PMS1: variants seen among roughly 807,000 people sequenced by gnomAD.
The protein encoded by PMS1 is PMS1 homolog 1, mismatch repair system component.
Under a neutral mutation model 93.1 loss-of-function variants are expected in PMS1, and 79 were observed. The ratio of observed to expected loss-of-function variants is 0.85; its 90% CI spans 0.71 to 1.02. The LOEUF is 1.02. Ranked by LOEUF, PMS1 falls within the 50% of genes least tolerant of loss-of-function variation. PMS1 has a pLI of 0.00. For synonymous variants in PMS1, 335 were observed against 363.4 expected, an observed-to-expected ratio of 0.92 and a Z score of 0.89; for missense variants, 1,064 against 1,085.3, an observed-to-expected ratio of 0.98 and a Z score of 0.28.
rs781053212 is a variant in PMS1 at position 189,791,915 on chromosome 2, G to A, written c.106G>A (p.Gly36Ser). 15 of 1,613,868 alleles carry A rather than the reference G, an allele frequency of 9.3e-6. No individual in the cohort carries two copies. Among genetic ancestry groups the A allele is most frequent in the Non-Finnish European group, 1.3e-5 (15 of 1,179,772 alleles). ...GCTTATTGAAAACTCCTTGGATGCT[G>A]GTGCCACAAGCGTAGATGTTAAACT... Reference protein sequence around the residue: ...KELIENSLDAGATSVDVKLEN... With the variant: ...KELIENSLDASATSVDVKLEN... Residue 36 changes from glycine (G) to serine (S), a missense_variant, in exon 2 of 13, where the codon GGT (glycine) becomes AGT (serine). By Grantham distance (56) the Gly-to-Ser change is moderately conservative (BLOSUM62 0). Coordinates refer to ENST00000441310, the MANE Select transcript of PMS1 (RefSeq NM_000534.5).
At chr2:189,862,369 C>T (rs1277100271) in intron 9 of PMS1, among the ~76,000 whole-genome samples, 1 of 152,114 alleles carries the variant, frequency 6.6e-6, no homozygotes, top group Non-Finnish European at 1.5e-5. Flanking sequence ...ATTCCCCCTT[C>T]TATTTTCTCA....
chr2:189,811,798 G>A (rs2050870777), intron 4 of PMS1, among the ~76,000 whole-genome samples: 1 of 152,152 alleles, frequency 6.6e-6, no homozygotes, highest in African/African-American at 2.4e-5. Flanking sequence ...TGTTGTTAAG[G>A]CAGTGTATTA....
intron 9 of PMS1, among the ~76,000 whole-genome samples, chr2:189,862,738 T>G (rs1340487035): frequency 6.6e-6 from 1 of 152,146 alleles, no homozygotes; most frequent in East Asian, 1.9e-4. Flanking sequence ...CTTCCTTAGT[T>G]TAGGACGTAG....
At chr2:189,797,426 C>A (rs2049460198) in intron 3 of PMS1, among the ~76,000 whole-genome samples, 1 of 152,178 alleles carries the variant, frequency 6.6e-6, no homozygotes, top group Admixed American at 6.5e-5. Context: ...GAACCTTGAT[C>A]TCTTCATTTC....
intron 7 of PMS1, 93 bp from the exon 8 acceptor site, chr2:189,853,846 C>G (rs1040466067): frequency 2.6e-5 from 20 of 765,504 alleles, no homozygotes; most frequent in Non-Finnish European, 4.2e-5. Flanking sequence ...TAAGCAGTTG[C>G]ATCTACTCAA....
At chr2:189,869,281 A>G (rs561152941) in intron 11 of PMS1, among the ~76,000 whole-genome samples, 1 of 152,214 alleles carries the variant, frequency 6.6e-6, no homozygotes, top group South Asian at 2.1e-4. Context: ...GTACTTGGCA[A>G]TGGGAGATGC....
Position 189,867,857 on chromosome 2 carries a change from A to C in PMS1, c.2401A>C (p.Arg801=). ...ATATAAAATGACAGCAGATGACCAA[A>C]GATACAGTGGATCAACTTACCTGTC... ...VLYKMTADDQ[R]YSGSTYLSDP... The change falls in exon 11 of 13, where the codon AGA becomes CGA. Residue 801 remains arginine (R), a synonymous_variant. Transcript: ENST00000441310. 2.5e-6 allele frequency: 4 copies of C among 1,593,330 alleles called. No homozygotes were observed. The highest frequency in any genetic ancestry group is 3.4e-6 in the Non-Finnish European group (4 of 1,161,202).
At chr2:189,866,268 G>T (rs888430275) in intron 10 of PMS1, among the ~76,000 whole-genome samples, 5 of 151,798 alleles carry the variant, frequency 3.3e-5, no homozygotes, top group Non-Finnish European at 2.9e-5. Context: ...TCAAATGATA[G>T]GTTTTTAAAA....
At chr2:189,819,354 C>T (rs1362840491) in intron 5 of PMS1, among the ~76,000 whole-genome samples, 1 of 152,172 alleles carries the variant, frequency 6.6e-6, no homozygotes, top group Non-Finnish European at 1.5e-5. Flanking sequence ...CATATGAGCA[C>T]AGGCGTCCTT....
At chr2:189,817,958 TTGAAGATC>T in intron 4 of PMS1, 51 bp from the exon 5 acceptor site, 1 of 1,255,496 alleles carries the variant, frequency 8.0e-7, no homozygotes, top group Non-Finnish European at 1.2e-6. Flanking sequence ...GTATACGGAT[TTGAAGATC>T]TGTGACGTTC....
At chr2:189,875,507 C>G (rs917146168) in intron 12 of PMS1, among the ~76,000 whole-genome samples, 1 of 151,974 alleles carries the variant, frequency 6.6e-6, no homozygotes, top group African/African-American at 2.4e-5. Context: ...GTTCAAGGGT[C>G]TGCTGTGGTA....
At position 189,850,383 on chromosome 2, in the gene PMS1, A is replaced by C. The variant is rs146587711; in HGVS notation, c.700-2272A>C. On this transcript the variant is annotated intron_variant, in intron 6 of 12. Coordinates refer to ENST00000441310, the MANE Select transcript of PMS1 (RefSeq NM_000534.5). ...TAGCTGGCAGAGCCCTTATCATAGT[A>C]AAGGAGTATAGGATGAGCTAGCAGG... 1.6e-4 allele frequency among the ~76,000 whole-genome samples: 24 copies of C among 152,280 alleles called. No individual in the cohort carries two copies. In the East Asian group the frequency reaches 4.4e-3, roughly 28 times the overall value.
At chr2:189,789,515 C>G (rs1335150515) in intron 1 of PMS1, among the ~76,000 whole-genome samples, 1 of 152,144 alleles carries the variant, frequency 6.6e-6, no homozygotes, top group Non-Finnish European at 1.5e-5. Flanking sequence ...GAACTGTGAT[C>G]AGTTAACACT....
chr2:189,858,309 T>A (rs958868293), intron 9 of PMS1, among the ~76,000 whole-genome samples: 6 of 152,130 alleles, frequency 3.9e-5, no homozygotes, highest in African/African-American at 1.4e-4. Context: ...TTGCAGTAGT[T>A]ATGAATATAT....
intron 12 of PMS1, among the ~76,000 whole-genome samples, chr2:189,876,105 G>A (rs1053069127): frequency 8.6e-5 from 13 of 151,788 alleles, no homozygotes; most frequent in African/African-American, 2.4e-4. Flanking sequence ...ATATTTTTAC[G>A]TAAACTTTAA....
At chr2:189,867,678 T>C (rs888836636) in intron 10 of PMS1, 121 bp from the exon 11 acceptor site, 28 of 694,778 alleles carry the variant, frequency 4.0e-5, no homozygotes, top group African/African-American at 3.4e-4. Flanking sequence ...GGGCTACTTA[T>C]ACCTTTGTAT....
At position 189,795,750 on chromosome 2, in the gene PMS1, GT is replaced by G; in HGVS notation, c.133-13del. On this transcript the variant is annotated intron_variant, in intron 2 of 12. Coordinates refer to ENST00000441310, the MANE Select transcript of PMS1 (RefSeq NM_000534.5). ...TTTAATATTTTTACATATTAAAAGTGTTTTTTGACATTTTATAGGAGAACTA... is the reference window on the plus strand; with the variant it reads ...TTTAATATTTTTACATATTAAAAGTGTTTTTGACATTTTATAGGAGAACTA... 6.3e-7 allele frequency: 1 copy of G among 1,593,038 alleles called. No individual in the cohort carries two copies. Among genetic ancestry groups the G allele is most frequent in the Non-Finnish European group, 8.6e-7 (1 of 1,160,926 alleles).
intron 6 of PMS1, among the ~76,000 whole-genome samples, chr2:189,848,737 A>G (rs866334859): frequency 6.6e-6 from 1 of 152,258 alleles, no homozygotes; most frequent in Middle Eastern, 3.4e-3. Flanking sequence ...GAGAGTGATC[A>G]TCTAACCAAA....
chr2:189,869,048 A>G (rs1031630594), intron 11 of PMS1, among the ~76,000 whole-genome samples: 18 of 152,316 alleles, frequency 1.2e-4, no homozygotes, highest in African/African-American at 4.1e-4. Flanking sequence ...AGTAGGTTCT[A>G]TTACTGTCCC....
Sources: allele counts gnomAD v4.1 joint callset (sites outside exome capture counted in the v4.1 genomes callset), GRCh38; gene constraint gnomAD v4.1.1; transcripts MANE v1.5; gene names NCBI Gene and HGNC (gene_info 2026-07-23, HGNC 2026-07-21).